The following BCR variants were observed in gnomAD, a reference collection of about 807,000 sequenced individuals.
BCR encodes breakpoint cluster region protein.
In BCR, 58 loss-of-function variants were observed where a neutral mutation model predicts 138.6. That is an observed-to-expected ratio of 0.42 (90% CI 0.34 to 0.52). BCR has a LOEUF of 0.52. Among genes scored for constraint, BCR ranks in the 20% least tolerant of loss-of-function variants. BCR has a pLI of 0.06. For missense variants in BCR, 1,599 were observed against 1,727.2 expected (o/e 0.93, Z 1.32); for synonymous variants, 786 against 730.1 (o/e 1.08, Z -1.23).
In BCR at chr22:23,184,022, C is replaced by T. The variant is rs564065616; in HGVS notation, c.1279+1783C>T. ...TTTTAGGACTTGCTGGATTCTTCTC[C>T]GAATGTCCTCAAGGTCCCACAGTCT... On this transcript the variant is annotated intron_variant, in intron 1 of 22. Transcript: ENST00000305877. Among the ~76,000 whole-genome samples, 250 of 152,298 alleles carry T rather than the reference C, an allele frequency of 1.6e-3. 1 individual carries two copies. Among genetic ancestry groups the T allele is most frequent in the African/African-American group, 5.7e-3 (235 of 41,566 alleles).
chr22:23,315,051 C>T (rs1226396331), intron 22 of BCR, among the ~76,000 whole-genome samples: 1 of 152,188 alleles, frequency 6.6e-6, no homozygotes, highest in African/African-American at 2.4e-5. Flanking sequence ...CAAACCCCAT[C>T]TCTAGAAAAA....
intron 1 of BCR, among the ~76,000 whole-genome samples, chr22:23,242,411 C>T (rs1338700689): frequency 6.6e-6 from 1 of 152,236 alleles, no homozygotes; most frequent in Non-Finnish European, 1.5e-5. Flanking sequence ...ATCTTTATGG[C>T]TTGCTGAGTA....
intron 1 of BCR, among the ~76,000 whole-genome samples, chr22:23,185,598 G>A (rs1478584120): frequency 6.6e-6 from 1 of 151,630 alleles, no homozygotes; most frequent in African/African-American, 2.4e-5. Context: ...TAGGGGAGGC[G>A]GAGCTTGCAG....
At chr22:23,308,280 G>T (rs990826899) in intron 16 of BCR, among the ~76,000 whole-genome samples, 1 of 152,174 alleles carries the variant, frequency 6.6e-6, no homozygotes, top group African/African-American at 2.4e-5. Flanking sequence ...TTCTCTGCAG[G>T]TGGAACCCAG....
intron 1 of BCR, among the ~76,000 whole-genome samples, chr22:23,217,758 GAATA>G (rs2072773273): frequency 6.6e-6 from 1 of 152,192 alleles, no homozygotes; most frequent in South Asian, 2.1e-4. Flanking sequence ...ATAAATAGTG[GAATA>G]AATAAATACA....
rs766366472 is a variant in BCR, at chr22:23,268,385, C to G, written c.1753-23C>G. 4 of 1,580,994 alleles carry G rather than the reference C, an allele frequency of 2.5e-6. No individual in the cohort carries two copies. The Admixed American group carries it at 7.0e-5, about 28-fold the overall frequency. Reference sequence around the variant, plus strand: ...GGGGAGCAGCAGCACCTGTCCCACTCTCTCTTCCTTCCTCCCCCTCAGGCC... The same window carrying G: ...GGGGAGCAGCAGCACCTGTCCCACTGTCTCTTCCTTCCTCCCCCTCAGGCC... On this transcript the variant is annotated intron_variant, in intron 4 of 22. Transcript: ENST00000305877.
intron 1 of BCR, among the ~76,000 whole-genome samples, chr22:23,212,137 T>A (rs1469150562): frequency 6.6e-6 from 1 of 152,182 alleles, no homozygotes; most frequent in Non-Finnish European, 1.5e-5. Flanking sequence ...GTTGCTGGTT[T>A]CTTCTTTGTT....
Position 23,315,321 on chromosome 22 carries a change from G to A in BCR, c.3727-112G>A, listed in dbSNP as rs1475192082. On this transcript the variant is annotated intron_variant, in intron 22 of 22. Coordinates refer to ENST00000305877, the MANE Select transcript of BCR (RefSeq NM_004327.4). ...CTGTAAGGGGTTCATGACACCAGCAGGGGTCCCCAGCACCTGAGATGGACT... is the reference window on the plus strand; with the variant it reads ...CTGTAAGGGGTTCATGACACCAGCAAGGGTCCCCAGCACCTGAGATGGACT... The A allele has an allele frequency of 2.8e-5, 25 of 905,566 alleles. No individual in the cohort carries two copies. The Admixed American group carries it at 4.7e-4, about 17-fold the overall frequency. 56.1% of individuals were successfully genotyped at this position (905,566 alleles called of 1,614,324 possible).
At chr22:23,279,062 T>C (rs993354314) in intron 8 of BCR, among the ~76,000 whole-genome samples, 28 of 152,224 alleles carry the variant, frequency 1.8e-4, no homozygotes, top group African/African-American at 5.8e-4. Flanking sequence ...TGGAGCCTGC[T>C]GCATGGGAGG....
In BCR at chr22:23,310,290, G is replaced by A. The variant is rs781535990; in HGVS notation, c.3073-34G>A. 84 of 1,094,302 alleles carry A rather than the reference G, an allele frequency of 7.7e-5. 5 individuals are homozygous for A. Among genetic ancestry groups the A allele is most frequent in the Middle Eastern group, 2.9e-4 (1 of 3,474 alleles). 67.8% of individuals were successfully genotyped at this position (1,094,302 alleles called of 1,614,324 possible). On this transcript the variant is annotated intron_variant, in intron 17 of 22. Coordinates refer to ENST00000305877, the MANE Select transcript of BCR (RefSeq NM_004327.4). ...GACCTTGGGCTATGAGGACCAGAAGGATTAGAGGACTGTGCCCCTTCTCCC... is the reference window on the plus strand; with the variant it reads ...GACCTTGGGCTATGAGGACCAGAAGAATTAGAGGACTGTGCCCCTTCTCCC...
At chr22:23,237,817 T>C (rs2073043772) in intron 1 of BCR, among the ~76,000 whole-genome samples, 1 of 152,224 alleles carries the variant, frequency 6.6e-6, no homozygotes, top group Non-Finnish European at 1.5e-5. Context: ...CCTGAGCAGA[T>C]ACATGGCTCT....
At chr22:23,227,905 G>C (rs1190927036) in intron 1 of BCR, among the ~76,000 whole-genome samples, 1 of 152,194 alleles carries the variant, frequency 6.6e-6, no homozygotes, top group Non-Finnish European at 1.5e-5. Flanking sequence ...GCAGGCCTTA[G>C]TTAGCACCAT....
intron 8 of BCR, among the ~76,000 whole-genome samples, chr22:23,275,090 A>G (rs2073560462): frequency 6.6e-6 from 1 of 152,090 alleles, no homozygotes; most frequent in African/African-American, 2.4e-5. Flanking sequence ...GGCAGCTGTC[A>G]GCCCCATCTG....
At chr22:23,244,289 G>T (rs2073130407) in intron 1 of BCR, among the ~76,000 whole-genome samples, 1 of 152,198 alleles carries the variant, frequency 6.6e-6, no homozygotes, top group Non-Finnish European at 1.5e-5. Flanking sequence ...TCATCTCAAA[G>T]CCTTTAACTT....
intron 1 of BCR, among the ~76,000 whole-genome samples, chr22:23,211,508 G>A (rs1206191286): frequency 1.4e-5 from 2 of 146,504 alleles, no homozygotes; most frequent in African/African-American, 5.1e-5. Flanking sequence ...TTTTTTTTGA[G>A]ACAGTCTCAC....
intron 1 of BCR, among the ~76,000 whole-genome samples, chr22:23,230,124 A>G (rs903741079): frequency 7.3e-5 from 11 of 151,470 alleles, no homozygotes; most frequent in Admixed American, 5.3e-4. Context: ...TGGGAGGCAA[A>G]ATTCCAAAAA....
At chr22:23,297,204 G>GTTTTTTTTTTTTTTTTTTTT (rs1568979500) in intron 16 of BCR, among the ~76,000 whole-genome samples, 4 of 124,184 alleles carry the variant, frequency 3.2e-5, no homozygotes, top group African/African-American at 1.4e-4. Context: ...GCCTGGCTAA[G>GTTTTTTTTTTTTTTTTTTTT]TTGTTTTTTG....
intron 16 of BCR, among the ~76,000 whole-genome samples, chr22:23,296,734 C>T (rs926946681): frequency 1.3e-5 from 2 of 152,196 alleles, no homozygotes; most frequent in Admixed American, 6.5e-5. Flanking sequence ...TTGAGCCCAG[C>T]TATTCAAGAC....
chr22:23,254,039 C>A, intron 2 of BCR, 59 bp downstream of exon 2: 1 of 1,528,082 alleles, frequency 6.5e-7, no homozygotes, highest in Non-Finnish European at 8.8e-7. Flanking sequence ...TGAAGCGCAG[C>A]CCCATGCTCA....
Sources: gnomAD v4.1 joint callset for allele counts (sites outside exome capture counted in the v4.1 genomes callset) on GRCh38, gnomAD v4.1.1 for gene constraint, MANE v1.5 for transcripts, NCBI Gene and HGNC (gene_info 2026-07-23, HGNC 2026-07-21) for gene names.